SYT9: variants seen among roughly 807,000 people sequenced by gnomAD.
The protein encoded by SYT9 is synaptotagmin 9.
Under a neutral mutation model 48.4 loss-of-function variants are expected in SYT9, and 22 were observed. That is an observed-to-expected ratio of 0.45 (90% CI 0.32 to 0.65). The LOEUF (loss-of-function observed/expected upper bound fraction) is 0.65. SYT9 is among the 30% of genes least tolerant of loss of function. The probability of loss-of-function intolerance (pLI) is 0.03; values close to 1 mark genes in which losing one functional copy is unlikely to be tolerated. For missense variants in SYT9, 577 were observed against 622.0 expected, an observed-to-expected ratio of 0.93 and a Z score of 0.77; for synonymous variants, 265 against 245.0, an observed-to-expected ratio of 1.08 and a Z score of -0.76.
At position 7,331,063 on chromosome 11, in the gene SYT9, A is replaced by G. The variant is rs201130041; in HGVS notation, c.1044+17122A>G. On this transcript the variant is annotated intron_variant, in intron 3 of 6. Transcript: ENST00000318881. ...TCCACTCTCCTCAGCCTCCCAAAGT[A>G]CTGGGATTACAGGCGTGAGCCACAG... 1.4e-3 allele frequency among the ~76,000 whole-genome samples: 214 copies of G among 151,580 alleles called. 3 individuals carry two copies. Among genetic ancestry groups the G allele is most frequent in the Middle Eastern group, 6.8e-3 (2 of 292 alleles).
At chr11:7,294,248 G>C (rs1273387136) in intron 1 of SYT9, among the ~76,000 whole-genome samples, 1 of 152,038 alleles carries the variant, frequency 6.6e-6, no homozygotes, top group Non-Finnish European at 1.5e-5. Context: ...GAATTTGGGG[G>C]GGACACAAGC....
rs180747759 is a variant in SYT9, at chr11:7,350,186, A to T, written c.1044+36245A>T. Among the ~76,000 whole-genome samples, 118 of 152,360 alleles carry T rather than the reference A, an allele frequency of 7.7e-4. 1 individual carries two copies. Among genetic ancestry groups the T allele is most frequent in the East Asian group, 1.9e-4 (1 of 5,178 alleles). Reference sequence around the variant, plus strand: ...AACATTGAGGTGGAGGAACCTATTAATCTGTATAACTTTCTAGAAGAACAT... The same window carrying T: ...AACATTGAGGTGGAGGAACCTATTATTCTGTATAACTTTCTAGAAGAACAT... On this transcript the variant is annotated intron_variant, in intron 3 of 6. Transcript: ENST00000318881.
intron 3 of SYT9, among the ~76,000 whole-genome samples, chr11:7,398,324 T>C (rs1846797205): frequency 6.6e-6 from 1 of 152,212 alleles, no homozygotes; most frequent in African/African-American, 2.4e-5. Flanking sequence ...ATGTCCTTTT[T>C]AACATTTATA....
intron 6 of SYT9, chr11:7,457,814 T>C (rs1359199659): frequency 1.3e-5 from 2 of 152,204 alleles, no homozygotes; most frequent in African/African-American, 4.8e-5. Flanking sequence ...AAAAGGCAGG[T>C]TGGGAAACCC....
intron 3 of SYT9, among the ~76,000 whole-genome samples, chr11:7,360,123 G>T (rs1000331883): frequency 2.6e-5 from 4 of 152,070 alleles, no homozygotes; most frequent in African/African-American, 9.7e-5. Context: ...TTTCCCCATT[G>T]CTTGTTTTTG....
intron 3 of SYT9, among the ~76,000 whole-genome samples, chr11:7,350,189 T>G (rs1441459172): frequency 4.6e-5 from 7 of 152,248 alleles, no homozygotes; most frequent in Admixed American, 4.6e-4. Flanking sequence ...CCTATTAATC[T>G]GTATAACTTT....
At chr11:7,336,933 T>C (rs541349677) in intron 3 of SYT9, among the ~76,000 whole-genome samples, 6 of 152,328 alleles carry the variant, frequency 3.9e-5, no homozygotes, top group Admixed American at 2.0e-4. Context: ...TTTAAATTGC[T>C]TTGGGCAGTG....
At chr11:7,325,509 T>G in intron 3 of SYT9, among the ~76,000 whole-genome samples, 1 of 68,686 alleles carries the variant, frequency 1.5e-5, no homozygotes, top group Non-Finnish European at 2.7e-5. Context: ...AAGGAGATTT[T>G]GGGCTGAGAC....
intron 1 of SYT9, among the ~76,000 whole-genome samples, chr11:7,258,543 T>C (rs763026621): frequency 6.6e-6 from 1 of 152,156 alleles, no homozygotes; most frequent in Middle Eastern, 3.4e-3. Context: ...AAATCAACAT[T>C]GATAGAACTG....
At chr11:7,365,932 C>T (rs1293438942) in intron 3 of SYT9, among the ~76,000 whole-genome samples, 1 of 152,224 alleles carries the variant, frequency 6.6e-6, no homozygotes, top group Admixed American at 6.5e-5. Flanking sequence ...TAATTTGGGA[C>T]ACTGATACTG....
At chr11:7,349,918 C>A (rs1849879699) in intron 3 of SYT9, among the ~76,000 whole-genome samples, 2 of 152,302 alleles carry the variant, frequency 1.3e-5, no homozygotes, top group East Asian at 3.9e-4. Flanking sequence ...AACAATGCTT[C>A]CATCAACTCT....
chr11:7,302,631 C>G (rs1401681418), intron 1 of SYT9, among the ~76,000 whole-genome samples: 7 of 152,240 alleles, frequency 4.6e-5, no homozygotes, highest in Non-Finnish European at 8.8e-5. Flanking sequence ...TATTATACAG[C>G]TCTCTGAGAT....
intron 6 of SYT9, among the ~76,000 whole-genome samples, chr11:7,445,502 G>A (rs1847910100): frequency 6.6e-6 from 1 of 152,050 alleles, no homozygotes; most frequent in Non-Finnish European, 1.5e-5. Flanking sequence ...CCCTCTCATG[G>A]CTCCAGCCTG....
Position 7,299,591 on chromosome 11 carries a change from T to G in SYT9, c.146-3448T>G, listed in dbSNP as rs545832568. Among the ~76,000 whole-genome samples the G allele has an allele frequency of 1.3e-4, 20 of 152,356 alleles. No individual in the cohort carries two copies. In the South Asian group the frequency reaches 3.7e-3, roughly 28 times the overall value. On this transcript the variant is annotated intron_variant, in intron 1 of 6. Coordinates refer to ENST00000318881, the MANE Select transcript of SYT9 (RefSeq NM_175733.4). ...ACTGTAACTGGTGCCCCCTAGAGTT[T>G]ACAGGCCACAACCCGCACAACCATA...
chr11:7,260,779 C>T (rs1262133929), intron 1 of SYT9, among the ~76,000 whole-genome samples: 2 of 152,194 alleles, frequency 1.3e-5, no homozygotes, highest in African/African-American at 2.4e-5. Flanking sequence ...CACCCTGAAA[C>T]CCAACTGTAA....
intron 3 of SYT9, among the ~76,000 whole-genome samples, chr11:7,359,804 C>G (rs1485535846): frequency 1.3e-5 from 2 of 150,268 alleles, no homozygotes; most frequent in Admixed American, 6.6e-5. Flanking sequence ...TGTAGGTTGC[C>G]TGTTCACTCT....
chr11:7,383,524 G>C (rs1177719018), intron 3 of SYT9, among the ~76,000 whole-genome samples: 1 of 152,156 alleles, frequency 6.6e-6, no homozygotes, highest in Non-Finnish European at 1.5e-5. Context: ...CAGGGACTGG[G>C]CCACTCCTAA....
chr11:7,386,516 A>T (rs1449617826), intron 3 of SYT9, among the ~76,000 whole-genome samples: 1 of 152,182 alleles, frequency 6.6e-6, no homozygotes, highest in African/African-American at 2.4e-5. Flanking sequence ...TCAAAAGAAG[A>T]CATTTATGCA....
At chr11:7,299,438 A>G (rs1848875802) in intron 1 of SYT9, among the ~76,000 whole-genome samples, 1 of 151,994 alleles carries the variant, frequency 6.6e-6, no homozygotes, top group African/African-American at 2.4e-5. Flanking sequence ...GGTGTTTCCT[A>G]TAGGCATTTC....
Sources: allele counts gnomAD v4.1 joint callset (sites outside exome capture counted in the v4.1 genomes callset), GRCh38; gene constraint gnomAD v4.1.1; transcripts MANE v1.5; gene names NCBI Gene and HGNC (gene_info 2026-07-23, HGNC 2026-07-21).